Variants in MBNL1 observed in about 807,000 individuals in gnomAD.
MBNL1 encodes the protein muscleblind like splicing regulator 1, also known as muscleblind-like protein 1.
In MBNL1, 8 loss-of-function variants were observed where a neutral mutation model predicts 42.2. The observed-to-expected ratio is 0.19, with a 90% CI of 0.11 to 0.34. MBNL1 has a LOEUF of 0.34. Ranked by LOEUF, MBNL1 falls within the 10% of genes least tolerant of loss-of-function variation. The pLI, the probability that MBNL1 is intolerant of heterozygous loss-of-function variation, is 1.00. For synonymous variants in MBNL1, 169 were observed against 173.9 expected (o/e 0.97, Z 0.22); for missense variants, 309 against 495.3 (o/e 0.62, Z 3.57).
At chr3:152,253,143 C>T (rs1256155137) in intron 2 of MBNL1, among the ~76,000 whole-genome samples, 1 of 152,104 alleles carries the variant, frequency 6.6e-6, no homozygotes, top group Non-Finnish European at 1.5e-5. Flanking sequence ...GCTATACACT[C>T]AGATGTTAAG....
chr3:152,317,255 C>G (rs2072479984), intron 2 of MBNL1, among the ~76,000 whole-genome samples: 1 of 152,110 alleles, frequency 6.6e-6, no homozygotes, highest in African/African-American at 2.4e-5. Context: ...ATGTGGAGTT[C>G]TGTGACTACC....
intron 2 of MBNL1, among the ~76,000 whole-genome samples, chr3:152,389,862 A>G (rs144111792): frequency 6.6e-6 from 1 of 152,160 alleles, no homozygotes; most frequent in East Asian, 1.9e-4. Flanking sequence ...ATTAACCTTA[A>G]TGTAATTTAT....
chr3:152,429,518 C>A (rs1457803327), intron 3 of MBNL1, among the ~76,000 whole-genome samples: 1 of 152,104 alleles, frequency 6.6e-6, no homozygotes, highest in African/African-American at 2.4e-5. Context: ...TATATGTTAT[C>A]CTTCAGAGAA....
At chr3:152,398,083 A>G (rs2153526617) in intron 2 of MBNL1, among the ~76,000 whole-genome samples, 1 of 152,364 alleles carries the variant, frequency 6.6e-6, no homozygotes, top group South Asian at 2.1e-4. Context: ...TGCATTGTAA[A>G]TTCAGAGCCA....
intron 1 of MBNL1, among the ~76,000 whole-genome samples, chr3:152,291,148 A>C (rs2055731003): frequency 6.6e-6 from 1 of 152,186 alleles, no homozygotes; most frequent in South Asian, 2.1e-4. Flanking sequence ...CTTGTAGAAC[A>C]ATTAAGTAGC....
At chr3:152,270,874 G>A (rs2041169965) in intron 1 of MBNL1, among the ~76,000 whole-genome samples, 1 of 151,958 alleles carries the variant, frequency 6.6e-6, no homozygotes, top group African/African-American at 2.4e-5. Context: ...TTTAATGGGG[G>A]GTTTCCTTGC....
chr3:152,366,768 G>A (rs932799509), intron 2 of MBNL1, among the ~76,000 whole-genome samples: 2 of 152,058 alleles, frequency 1.3e-5, no homozygotes, highest in South Asian at 2.1e-4. Flanking sequence ...TGTTTTTGTT[G>A]TGAAAATTAG....
At chr3:152,265,765 T>C (rs1054627403), upstream of MBNL1, 1 of 152,208 alleles carries the variant, frequency 6.6e-6, no homozygotes, top group African/African-American at 2.4e-5. Flanking sequence ...TGAAATTGTT[T>C]TCTATAATTT....
chr3:152,456,568 A>G lies in MBNL1; in HGVS notation c.1092+207A>G, dbSNP rs1459729943. Among the ~76,000 whole-genome samples the G allele has an allele frequency of 2.0e-5, 3 of 152,180 alleles. 1 individual carries two copies. Among genetic ancestry groups the G allele is most frequent in the South Asian group, 4.1e-4 (2 of 4,836 alleles). ...CTATGATGAGCAGCAGAATGCTTTT[A>G]TGCCATTTATAAGTGCTCCAAAGTC... On this transcript the variant is annotated intron_variant, in intron 8 of 9. Transcript: ENST00000324210.
chr3:152,364,715 A>C (rs1306175289), intron 2 of MBNL1, among the ~76,000 whole-genome samples: 8 of 152,238 alleles, frequency 5.3e-5, no homozygotes, highest in Admixed American at 4.6e-4. Context: ...ATTTTGAACT[A>C]GTAACATTAA....
At chr3:152,290,700 T>C (rs962729511) in intron 1 of MBNL1, among the ~76,000 whole-genome samples, 7 of 152,150 alleles carry the variant, frequency 4.6e-5, no homozygotes, top group South Asian at 4.1e-4. Flanking sequence ...TCAGAAGATA[T>C]AGAGGTTAAA....
At chr3:152,327,769 A>G (rs1408739385) in intron 2 of MBNL1, among the ~76,000 whole-genome samples, 1 of 151,120 alleles carries the variant, frequency 6.6e-6, no homozygotes, top group African/African-American at 2.4e-5. Context: ...CATATACTAT[A>G]TTTTTTTCTA....
At chr3:152,273,679 G>A (rs1395997306) in intron 1 of MBNL1, among the ~76,000 whole-genome samples, 1 of 152,172 alleles carries the variant, frequency 6.6e-6, no homozygotes, top group Non-Finnish European at 1.5e-5. Flanking sequence ...GGACAGAGTA[G>A]AGAATTGCTT....
At chr3:152,349,760 G>C (rs923806573) in intron 2 of MBNL1, among the ~76,000 whole-genome samples, 14 of 151,130 alleles carry the variant, frequency 9.3e-5, no homozygotes, top group African/African-American at 2.4e-5. Context: ...TAAATTGTCT[G>C]TGTGTGTGTG....
chr3:152,299,789 A>T lies in MBNL1; in HGVS notation c.-405A>T. ...GCTGTGAGGAGATTCCCTTTCAGAC[A>T]ACTTTGCTGAAAGCAGCTTGGAAAT... On this transcript the variant is annotated 5_prime_UTR_variant, in exon 2 of 10. Transcript: ENST00000324210. 5.0e-6 allele frequency: 2 copies of T among 401,788 alleles called. No individual in the cohort carries two copies. Among genetic ancestry groups the T allele is most frequent in the Non-Finnish European group, 8.8e-6 (2 of 228,198 alleles). The allele number at this position is 401,788 out of a possible 1,614,324, so 24.9% of individuals were successfully genotyped here.
intron 5 of MBNL1, chr3:152,446,831 TTAAAA>T: frequency 8.1e-7 from 1 of 1,228,848 alleles, no homozygotes; most frequent in Non-Finnish European, 1.2e-6. Flanking sequence ...TAAATCAACT[TTAAAA>T]TATATATCCT....
intron 3 of MBNL1, among the ~76,000 whole-genome samples, chr3:152,428,536 C>T (rs1489387465): frequency 6.6e-6 from 1 of 152,142 alleles, no homozygotes; most frequent in Non-Finnish European, 1.5e-5. Context: ...TGGCTAGGCA[C>T]AGGTAGCATT....
At chr3:152,260,882 C>T (rs1386683459) in intron 2 of MBNL1, among the ~76,000 whole-genome samples, 1 of 152,190 alleles carries the variant, frequency 6.6e-6, no homozygotes, top group Non-Finnish European at 1.5e-5. Flanking sequence ...ACCAGTTTAG[C>T]TATCCACAGC....
intron 2 of MBNL1, among the ~76,000 whole-genome samples, chr3:152,261,151 A>T (rs1052141103): frequency 1.3e-5 from 2 of 152,184 alleles, no homozygotes; most frequent in Non-Finnish European, 2.9e-5. Context: ...TAAGGGGCTT[A>T]AAAAAGATAC....
Sources: gnomAD v4.1 joint callset for allele counts (sites outside exome capture counted in the v4.1 genomes callset) on GRCh38, gnomAD v4.1.1 for gene constraint, MANE v1.5 for transcripts, NCBI Gene and HGNC (gene_info 2026-07-23, HGNC 2026-07-21) for gene names.